Variants in EFCAB12 observed in about 807,000 individuals in gnomAD.
The protein encoded by EFCAB12 is EF-hand calcium binding domain 12.
EFCAB12 carries 43 observed loss-of-function variants against 53.6 expected under a neutral mutation model. The ratio of observed to expected loss-of-function variants is 0.80; its 90% CI spans 0.63 to 1.03. The LOEUF (loss-of-function observed/expected upper bound fraction) is 1.03, where lower values mean the gene tolerates loss of function less well. Ranked by LOEUF, EFCAB12 falls within the 50% of genes least tolerant of loss-of-function variation. The pLI, the probability that EFCAB12 is intolerant of heterozygous loss-of-function variation, is 0.00. For missense variants in EFCAB12, 646 were observed against 730.6 expected (o/e 0.88, Z 1.34); for synonymous variants, 269 against 289.2 (o/e 0.93, Z 0.71).
In EFCAB12 at chr3:129,418,386, C is replaced by T. The variant is rs2072147233; in HGVS notation, c.549G>A (p.Glu183=). 6.2e-7 allele frequency: 1 copy of T among 1,613,496 alleles called. No individual in the cohort carries two copies. The highest frequency in any genetic ancestry group is 1.7e-5 in the Admixed American group (1 of 59,958). ...AGTACATGACCGACAGGGCAGGGGGCTCGGGCAGCTGGAGCTGGGGCACCA... is the reference window on the plus strand; with the variant it reads ...AGTACATGACCGACAGGGCAGGGGGTTCGGGCAGCTGGAGCTGGGGCACCA... ...RQMVPQLQLP[E]PPALSVMYSY... is the part of the protein sequence containing the mutation. Residue 183 remains glutamate, a synonymous_variant, in exon 3 of 9, where the codon GAG becomes GAA. Transcript: ENST00000505956.
rs573210097 is a variant in EFCAB12, at chr3:129,408,793, A to G, written c.1101T>C (p.Phe367=). The stretch of plus-strand genomic sequence containing the variant: ...TGGTGGACGGGAGGCAGTGCTCATC[A>G]AAGTGCCGATTCCCACAGCGCACCA... ...CHLVRCGNRH[F]DEHCLPSTIH... The change falls in exon 6 of 9, where the codon TTT becomes TTC. Residue 367 remains phenylalanine (F), a synonymous_variant. Coordinates refer to ENST00000505956, the MANE Select transcript of EFCAB12 (RefSeq NM_207307.3). 2.9e-5 allele frequency: 46 copies of G among 1,578,372 alleles called. No homozygotes were observed. The African/African-American group carries it at 5.7e-4, about 19-fold the overall frequency.
At chr3:129,404,119 G>A in intron 7 of EFCAB12, 131 bp downstream of exon 7, 1 of 1,246,810 alleles carries the variant, frequency 8.0e-7, no homozygotes. Flanking sequence ...TCAGGTTGGG[G>A]GATGTTGCCC....
At position 129,408,764 on chromosome 3, in the gene EFCAB12, T is replaced by C; in HGVS notation, c.1130A>G (p.His377Arg). The C allele has an allele frequency of 6.3e-7, 1 of 1,581,534 alleles. No homozygotes were observed. Among genetic ancestry groups the C allele is most frequent in the Non-Finnish European group, 8.6e-7 (1 of 1,163,144 alleles). ...GTCAATGAGCTCCCTCATATCCCCG[T>C]GGATGGTGGACGGGAGGCAGTGCTC... ...FDEHCLPSTI[H>R]GDMRELIDSA... The change falls in exon 6 of 9, where the codon CAC becomes CGC. Residue 377 changes from histidine to arginine, a missense_variant. His to Arg is a conservative substitution (Grantham distance 29). Transcript: ENST00000505956.
rs767007198 is a variant in EFCAB12 at position 129,404,296 on chromosome 3, C to T, written c.1357G>A (p.Ala453Thr). 6 of 1,613,724 alleles carry T rather than the reference C, an allele frequency of 3.7e-6. No homozygotes were observed. The South Asian group carries it at 6.6e-5, about 18-fold the overall frequency. The change falls in exon 7 of 9, where the codon GCT (alanine) becomes ACT (threonine). Residue 453 changes from alanine to threonine, a missense_variant. Physicochemically the swap from Ala to Thr is moderately conservative, Grantham distance 58. Coordinates refer to ENST00000505956, the MANE Select transcript of EFCAB12 (RefSeq NM_207307.3). ...SDWKVFSPNL[A>T]LLRSQGPGKS... ...CCAGGGCCCTGGGACCGGAGCAGAG[C>T]CAGATTCGGAGAAAAGACCTTCCAG...
chr3:129,409,890 C>G (rs1173643697), intron 5 of EFCAB12, among the ~76,000 whole-genome samples: 1 of 152,064 alleles, frequency 6.6e-6, no homozygotes, highest in African/African-American at 2.4e-5. Context: ...GCAACTGAAT[C>G]AAATCTTAGT....
chr3:129,401,585 G>C lies in EFCAB12; in HGVS notation c.*8C>G. ...AGGAAGGCTGGGTCCGGCAACACCT[G>C]GCTAGCTCTAGTTGATGTAGTACAC... On this transcript the variant is annotated 3_prime_UTR_variant, in exon 9 of 9. Coordinates refer to ENST00000505956, the MANE Select transcript of EFCAB12 (RefSeq NM_207307.3). 1 of 1,522,236 alleles carries C rather than the reference G, an allele frequency of 6.6e-7. No homozygotes were observed. Among genetic ancestry groups the C allele is most frequent in the Non-Finnish European group, 8.9e-7 (1 of 1,126,808 alleles). The allele number at this position is 1,522,236 out of a possible 1,614,324, so 94.3% of individuals were successfully genotyped here.
At position 129,421,365 on chromosome 3, in the gene EFCAB12, A is replaced by T. The variant is rs1331698516; in HGVS notation, c.486+2T>A. ...CTTCATCTGGCAAATGGGGCTGCTC[A>T]CCCTGGTGGTCCTGGTAGTTGCCTG... On this transcript the variant is annotated splice_donor_variant, in intron 2 of 8. Coordinates refer to ENST00000505956, the MANE Select transcript of EFCAB12 (RefSeq NM_207307.3). LOFTEE classifies it high-confidence loss of function. 3 of 1,599,532 alleles carry T rather than the reference A, an allele frequency of 1.9e-6. No individual in the cohort carries two copies. In the African/African-American group the frequency reaches 4.0e-5, roughly 21 times the overall value.
intron 4 of EFCAB12, chr3:129,415,037 A>G: frequency 2.0e-6 from 1 of 498,620 alleles, no homozygotes; most frequent in Non-Finnish European, 3.4e-6. Flanking sequence ...CTTTGAATGG[A>G]CACAGTGGTA....
intron 4 of EFCAB12, chr3:129,412,563 A>G (rs773528168): frequency 6.6e-6 from 1 of 152,394 alleles, no homozygotes; most frequent in Non-Finnish European, 1.5e-5. Context: ...TCCCTGGGCT[A>G]CAAGGCCCTG....
At chr3:129,404,082 CG>C (rs2107735219) in intron 7 of EFCAB12, 167 bp downstream of exon 7, 1 of 825,006 alleles carries the variant, frequency 1.2e-6, no homozygotes, top group Non-Finnish European at 1.8e-6. Flanking sequence ...AAGGGTGACC[CG>C]GGACTGGCCA....
At position 129,421,455 on chromosome 3, in the gene EFCAB12, G is replaced by A. The variant is rs368934436; in HGVS notation, c.398C>T (p.Thr133Met). Residue 133 changes from threonine (T) to methionine (M), a missense_variant, in exon 2 of 9, where the codon ACG becomes ATG. Thr to Met is a moderately conservative substitution (Grantham distance 81). Transcript: ENST00000505956. ...KRWLENKPSI[T>M]PSEAKVLHMI... ...GTGTAAGACCTTGGCCTCTGAAGGC[G>A]TGATGCTGGGCTTGTTCTCCAGCCA... 38 of 1,613,908 alleles carry A rather than the reference G, an allele frequency of 2.4e-5. No individual in the cohort carries two copies. The highest frequency in any genetic ancestry group is 9.3e-5 in the African/African-American group (7 of 74,930).
intron 1 of EFCAB12, among the ~76,000 whole-genome samples, chr3:129,425,975 A>T (rs1008590123): frequency 1.3e-5 from 2 of 152,204 alleles, no homozygotes; most frequent in Non-Finnish European, 2.9e-5. Context: ...CTTTGGTTCT[A>T]GTCCTCCCCA....
In EFCAB12 at chr3:129,411,331, C is replaced by A; in HGVS notation, c.862G>T (p.Asp288Tyr). 1 of 1,592,220 alleles carries A rather than the reference C, an allele frequency of 6.3e-7. No individual in the cohort carries two copies. Reference sequence around the variant, plus strand: ...TTCTTGAGCGGACCCTTCAGGGAATCTCTGTGCTTGGCCAAGATATAATCT... The same window carrying A: ...TTCTTGAGCGGACCCTTCAGGGAATATCTGTGCTTGGCCAAGATATAATCT... ...REHYILAKHR[D>Y]SLKGPLKKQE... The change falls in exon 5 of 9, where the codon GAT becomes TAT. Residue 288 changes from aspartate to tyrosine, a missense_variant. Asp to Tyr is a radical substitution (Grantham distance 160). Transcript: ENST00000505956.
intron 3 of EFCAB12, among the ~76,000 whole-genome samples, chr3:129,417,882 CTT>C (rs1367167073): frequency 6.7e-6 from 1 of 150,128 alleles, no homozygotes; most frequent in African/African-American, 2.5e-5. Flanking sequence ...ACCCATGTAA[CTT>C]ATATGCCAGT....
chr3:129,422,584 C>T (rs774245359), intron 1 of EFCAB12, among the ~76,000 whole-genome samples: 9 of 152,164 alleles, frequency 5.9e-5, no homozygotes, highest in Non-Finnish European at 1.0e-4. Flanking sequence ...CCCATCCACA[C>T]CCTGGGCACT....
intron 1 of EFCAB12, among the ~76,000 whole-genome samples, chr3:129,424,961 A>G (rs1281815629): frequency 1.3e-5 from 2 of 152,204 alleles, no homozygotes; most frequent in Non-Finnish European, 2.9e-5. Flanking sequence ...TGGACCTTCA[A>G]GAATGGTCTG....
chr3:129,408,915 C>T, intron 5 of EFCAB12, 57 bp from the exon 6 acceptor site: 1 of 1,532,932 alleles, frequency 6.5e-7, no homozygotes. Context: ...CTCCTCCTGG[C>T]CAGAAGAAGG....
Position 129,421,443 on chromosome 3 carries a change from G to C in EFCAB12, c.410C>G (p.Ala137Gly), listed in dbSNP as rs758352542. Reference protein sequence around the residue: ...ENKPSITPSEAKVLHMIHEEQ... With the variant: ...ENKPSITPSEGKVLHMIHEEQ... ...CTCGTGGATCATGTGTAAGACCTTG[G>C]CCTCTGAAGGCGTGATGCTGGGCTT... is the stretch of plus-strand genomic sequence containing the variant. The change falls in exon 2 of 9, where the codon GCC becomes GGC. Residue 137 changes from alanine to glycine, a missense_variant. Physicochemically the swap from Ala to Gly is moderately conservative, Grantham distance 60. Transcript: ENST00000505956. 2.5e-6 allele frequency: 4 copies of C among 1,613,896 alleles called. No individual in the cohort carries two copies. Among genetic ancestry groups the C allele is most frequent in the Admixed American group, 3.3e-5 (2 of 60,010 alleles).
rs2071867727 is a variant in EFCAB12 at position 129,401,432 on chromosome 3, G to A, written c.*161C>T. 1 of 998,280 alleles carries A rather than the reference G, an allele frequency of 1.0e-6. No individual in the cohort carries two copies. The highest frequency in any genetic ancestry group is 1.6e-5 in the African/African-American group (1 of 61,282). 61.8% of individuals were successfully genotyped at this position (998,280 alleles called of 1,614,324 possible). ...GGACACATCTACCCTCTGAGACACT[G>A]GACACTTTGAGTCCAGAGGGAACTG... On this transcript the variant is annotated 3_prime_UTR_variant, in exon 9 of 9. Transcript: ENST00000505956.
Sources: gnomAD v4.1 joint callset for allele counts (sites outside exome capture counted in the v4.1 genomes callset) on GRCh38, gnomAD v4.1.1 for gene constraint, MANE v1.5 for transcripts, NCBI Gene and HGNC (gene_info 2026-07-23, HGNC 2026-07-21) for gene names.